Variants in CFAP52 observed in about 807,000 individuals in gnomAD.
CFAP52 encodes cilia- and flagella-associated protein 52.
Under a neutral mutation model 70.5 loss-of-function variants are expected in CFAP52, and 57 were observed. That is an observed-to-expected ratio of 0.81 (90% CI 0.65 to 1.01). The LOEUF is 1.01. Among genes scored for constraint, CFAP52 ranks in the 50% least tolerant of loss-of-function variants. The probability of loss-of-function intolerance (pLI) is 0.00; values close to 1 mark genes in which losing one functional copy is unlikely to be tolerated. For missense variants in CFAP52, 785 were observed against 788.5 expected (o/e 1.00, Z 0.05); for synonymous variants, 267 against 292.5 (o/e 0.91, Z 0.89).
chr17:9,606,214 T>A (rs1291267281), intron 6 of CFAP52, among the ~76,000 whole-genome samples: 3 of 152,012 alleles, frequency 2.0e-5, no homozygotes, highest in African/African-American at 7.2e-5. Flanking sequence ...ATACCCTATT[T>A]CTGTGAAAAG....
chr17:9,603,537 G>A (rs191664705), intron 6 of CFAP52, among the ~76,000 whole-genome samples: 12 of 152,162 alleles, frequency 7.9e-5, no homozygotes, highest in Non-Finnish European at 1.5e-4. Flanking sequence ...TTCATGGATA[G>A]GAAGACTCAG....
intron 8 of CFAP52, 46 bp from the exon 9 acceptor site, chr17:9,628,626 G>C (rs1458692347): frequency 6.3e-7 from 1 of 1,594,400 alleles, no homozygotes; most frequent in Non-Finnish European, 8.6e-7. Context: ...ATGCATCTGG[G>C]AAACTGCATC....
Position 9,582,126 on chromosome 17 carries a change from C to T in CFAP52, c.71-3647C>T, listed in dbSNP as rs545397978. Among the ~76,000 whole-genome samples the T allele has an allele frequency of 4.5e-4, 68 of 152,320 alleles. No homozygotes were observed. The South Asian group carries it at 0.013, about 30-fold the overall frequency. ...ACAAAAATAAATCTGAAGAAATACA[C>T]ACCTGCATGTTACAAGGTTATCTCT... is the stretch of plus-strand genomic sequence containing the variant. On this transcript the variant is annotated intron_variant, in intron 1 of 13. Transcript: ENST00000352665.
intron 6 of CFAP52, among the ~76,000 whole-genome samples, chr17:9,600,929 T>G (rs1261265728): frequency 6.6e-6 from 1 of 152,074 alleles, no homozygotes; most frequent in Non-Finnish European, 1.5e-5. Context: ...TGTCCTGAAT[T>G]AGGGAATCAG....
chr17:9,644,694 C>G (rs1189526593), downstream of CFAP52: 4 of 152,150 alleles, frequency 2.6e-5, no homozygotes, highest in East Asian at 1.9e-4. Context: ...AAGGAGTGAA[C>G]CAGAAACCGC....
At chr17:9,636,779 G>A (rs180803865) in intron 11 of CFAP52, among the ~76,000 whole-genome samples, 48 of 152,314 alleles carry the variant, frequency 3.2e-4, no homozygotes, top group African/African-American at 9.1e-4. Flanking sequence ...GGGCGCGGTG[G>A]CTCCCGCCTG....
At chr17:9,593,572 C>A (rs924556919) in intron 3 of CFAP52, among the ~76,000 whole-genome samples, 1 of 152,142 alleles carries the variant, frequency 6.6e-6, no homozygotes, top group Non-Finnish European at 1.5e-5. Flanking sequence ...TCTCCTGCCT[C>A]AGCCTCCTGA....
At chr17:9,638,459 A>G (rs778337076) in intron 11 of CFAP52, 150 bp from the exon 12 acceptor site, 1 of 670,236 alleles carries the variant, frequency 1.5e-6, no homozygotes, top group Non-Finnish European at 2.6e-6. Flanking sequence ...TTGAAGAAAT[A>G]CAAGCACCAC....
At chr17:9,641,964 C>A in intron 13 of CFAP52, 129 bp downstream of exon 13, 1 of 647,650 alleles carries the variant, frequency 1.5e-6, no homozygotes, top group Non-Finnish European at 2.7e-6. Context: ...GAATCAGATT[C>A]CAACCAATAC....
chr17:9,584,090 T>C (rs1442911598), intron 1 of CFAP52: 2 of 719,900 alleles, frequency 2.8e-6, no homozygotes, highest in Admixed American at 1.0e-4. Context: ...TGTTGGGGCC[T>C]TCTGCAGATG....
In CFAP52 at chr17:9,632,788, A is replaced by G. The variant is rs73975756; in HGVS notation, c.1175-100A>G. ...GCTGGTCTCTTTCCTCCAGCACAGC[A>G]CCACTCACCAGGCCTGCCTCTCCTT... On this transcript the variant is annotated intron_variant, in intron 9 of 13. Transcript: ENST00000352665. 3.0e-3 allele frequency: 4,532 copies of G among 1,508,978 alleles called. 133 individuals are homozygous for G. The African/African-American group carries it at 0.055, about 18-fold the overall frequency. The allele number at this position is 1,508,978 out of a possible 1,614,324, so 93.5% of individuals were successfully genotyped here.
Position 9,589,554 on chromosome 17 carries a change from G to A in CFAP52, c.407+2720G>A, listed in dbSNP as rs545920758. Among the ~76,000 whole-genome samples, 317 of 152,072 alleles carry A rather than the reference G, an allele frequency of 2.1e-3. 1 individual carries two copies. The highest frequency in any genetic ancestry group is 0.014 in the Middle Eastern group (4 of 294). On this transcript the variant is annotated intron_variant, in intron 3 of 13. Transcript: ENST00000352665. The stretch of plus-strand genomic sequence containing the variant: ...TTGAGACCAGCCTAGCCAACATGGC[G>A]AGACCCCATCTCTACTAAAAATACA...
chr17:9,582,205 T>C (rs1908258829), intron 1 of CFAP52, among the ~76,000 whole-genome samples: 1 of 152,208 alleles, frequency 6.6e-6, no homozygotes, highest in Non-Finnish European at 1.5e-5. Flanking sequence ...CATGTGCGCA[T>C]TCAAGCATCA....
intron 5 of CFAP52, 157 bp downstream of exon 5, chr17:9,598,490 A>G (rs1754974225): frequency 1.8e-6 from 1 of 557,796 alleles, no homozygotes; most frequent in Non-Finnish European, 3.1e-6. Flanking sequence ...GGCCAGGTGC[A>G]GTGGCTCACG....
In CFAP52 at chr17:9,608,794, C is replaced by A. The variant is rs1036237652; in HGVS notation, c.854+575C>A. On this transcript the variant is annotated intron_variant, in intron 7 of 13. Coordinates refer to ENST00000352665, the MANE Select transcript of CFAP52 (RefSeq NM_145054.5). ...TGTGCTTATTCAGCACCTCCTCCAA[C>A]CAAACCAATGTATTAGATACTATTA... 2.6e-5 allele frequency among the ~76,000 whole-genome samples: 4 copies of A among 152,130 alleles called. No individual in the cohort carries two copies. In the South Asian group the frequency reaches 8.3e-4, roughly 32 times the overall value.
chr17:9,638,919 C>A, intron 12 of CFAP52: 1 of 573,894 alleles, frequency 1.7e-6, no homozygotes, highest in Non-Finnish European at 3.1e-6. Flanking sequence ...CCACTGACCT[C>A]ATAGAGTAAG....
intron 8 of CFAP52, among the ~76,000 whole-genome samples, chr17:9,614,743 G>A (rs1216369795): frequency 1.3e-5 from 2 of 152,224 alleles, no homozygotes; most frequent in African/African-American, 4.8e-5. Flanking sequence ...ATTAAAGGAT[G>A]TTTGGCAGCA....
chr17:9,587,310 A>G (rs551359555), intron 3 of CFAP52, among the ~76,000 whole-genome samples: 40 of 152,356 alleles, frequency 2.6e-4, no homozygotes, highest in African/African-American at 7.0e-4. Context: ...TGCTATTGTG[A>G]ATAGTGCTGT....
Position 9,608,106 on chromosome 17 carries a change from T to A in CFAP52, c.754-13T>A, listed in dbSNP as rs1288852997. ...ATTTTTGTGCTTTTTCTTAACACAGTTTTTCCCCCTAGGGAGTGTCAGCTA... is the reference window on the plus strand; with the variant it reads ...ATTTTTGTGCTTTTTCTTAACACAGATTTTCCCCCTAGGGAGTGTCAGCTA... On this transcript the variant is annotated splice_polypyrimidine_tract_variant and intron_variant, in intron 6 of 13. Coordinates refer to ENST00000352665, the MANE Select transcript of CFAP52 (RefSeq NM_145054.5). 1.2e-6 allele frequency: 2 copies of A among 1,600,998 alleles called. No homozygotes were observed. The highest frequency in any genetic ancestry group is 2.2e-5 in the East Asian group (1 of 44,678).
Sources: allele counts gnomAD v4.1 joint callset (sites outside exome capture counted in the v4.1 genomes callset), GRCh38; gene constraint gnomAD v4.1.1; transcripts MANE v1.5; gene names NCBI Gene and HGNC (gene_info 2026-07-23, HGNC 2026-07-21).